Variants in TYR observed in about 807,000 individuals in gnomAD.
The protein encoded by TYR is tyrosinase, also known as LB24-AB.
Under a neutral mutation model 51.5 loss-of-function variants are expected in TYR, and 58 were observed. The observed-to-expected ratio is 1.13, with a 90% CI of 0.91 to 1.40. The LOEUF (loss-of-function observed/expected upper bound fraction) is 1.40, where lower values mean the gene tolerates loss of function less well. Among genes scored for constraint, TYR ranks in the 40% most tolerant of loss-of-function variants. The probability of loss-of-function intolerance (pLI) is 0.00; values close to 1 mark genes in which losing one functional copy is unlikely to be tolerated. For synonymous variants in TYR, 263 were observed against 235.2 expected (o/e 1.12, Z -1.08); for missense variants, 732 against 647.4 (o/e 1.13, Z -1.42).
At chr11:89,245,073 T>C (rs1371004548) in intron 3 of TYR, among the ~76,000 whole-genome samples, 4 of 152,228 alleles carry the variant, frequency 2.6e-5, no homozygotes, top group Non-Finnish European at 5.9e-5. Flanking sequence ...AGCCGTTTGA[T>C]ACTATTGTTT....
rs536833054 is a variant in TYR, at chr11:89,193,037, G to T, written c.1036+1619G>T. ...CAGTTTGGTCTTTTGACATAAGAAGGCAAGACATAATGCCAGGTAATCTCA... is the reference window on the plus strand; with the variant it reads ...CAGTTTGGTCTTTTGACATAAGAAGTCAAGACATAATGCCAGGTAATCTCA... On this transcript the variant is annotated intron_variant, in intron 2 of 4. Coordinates refer to ENST00000263321, the MANE Select transcript of TYR (RefSeq NM_000372.5). 3.9e-5 allele frequency among the ~76,000 whole-genome samples: 6 copies of T among 152,174 alleles called. No individual in the cohort carries two copies. In the South Asian group the frequency reaches 1.0e-3, roughly 26 times the overall value.
chr11:89,223,908 GTT>G (rs66544506), intron 2 of TYR, among the ~76,000 whole-genome samples: 9,376 of 143,106 alleles, frequency 0.066, 358 homozygotes, highest in Non-Finnish European at 0.09. Context: ...TTCTTTAGCT[GTT>G]TTTTTTTTTT....
intron 1 of TYR, among the ~76,000 whole-genome samples, chr11:89,181,752 A>G (rs973245570): frequency 6.6e-6 from 1 of 151,582 alleles, no homozygotes; most frequent in Admixed American, 6.6e-5. Flanking sequence ...CTAAAATGGT[A>G]GGATGATTGT....
intron 1 of TYR, among the ~76,000 whole-genome samples, chr11:89,188,148 G>T (rs1289552973): frequency 6.6e-6 from 1 of 151,042 alleles, no homozygotes; most frequent in Non-Finnish European, 1.5e-5. Context: ...CCACTAGAAG[G>T]TAAGTTACAT....
intron 2 of TYR, chr11:89,192,081 C>A (rs751676357): frequency 1.1e-4 from 46 of 408,372 alleles, no homozygotes; most frequent in African/African-American, 9.3e-4. Flanking sequence ...TAGGTAAAGC[C>A]TCCCTCTCAT....
intron 3 of TYR, among the ~76,000 whole-genome samples, chr11:89,276,341 C>T (rs190787568): frequency 5.1e-4 from 77 of 151,852 alleles, no homozygotes; most frequent in African/African-American, 1.8e-3. Context: ...TCGCTTAAAA[C>T]TTAGTCAGAA....
intron 2 of TYR, among the ~76,000 whole-genome samples, chr11:89,221,751 A>G (rs1943914345): frequency 6.6e-6 from 1 of 152,192 alleles, no homozygotes; most frequent in African/African-American, 2.4e-5. Flanking sequence ...TACATTTTCT[A>G]TCTTCTTTTT....
At chr11:89,230,105 A>C (rs1944027501) in intron 3 of TYR, among the ~76,000 whole-genome samples, 1 of 152,128 alleles carries the variant, frequency 6.6e-6, no homozygotes, top group African/African-American at 2.4e-5. Context: ...CAAAAAGAAC[A>C]AAGCATCATA....
intron 2 of TYR, among the ~76,000 whole-genome samples, chr11:89,192,522 G>A (rs1943459824): frequency 6.6e-6 from 1 of 151,112 alleles, no homozygotes; most frequent in South Asian, 2.1e-4. Flanking sequence ...TTTTGTCATT[G>A]TTTTACACCC....
At chr11:89,229,265 A>G (rs1315131547) in intron 3 of TYR, among the ~76,000 whole-genome samples, 1 of 151,920 alleles carries the variant, frequency 6.6e-6, no homozygotes, top group African/African-American at 2.4e-5. Context: ...AGTTTTATTC[A>G]GAAATCAGTG....
At chr11:89,252,006 A>G (rs982171335) in intron 3 of TYR, among the ~76,000 whole-genome samples, 7 of 151,820 alleles carry the variant, frequency 4.6e-5, no homozygotes, top group East Asian at 1.9e-4. Context: ...TGCCATCCCC[A>G]TATATTTCCT....
intron 2 of TYR, among the ~76,000 whole-genome samples, chr11:89,222,961 C>T (rs1295676394): frequency 1.3e-5 from 2 of 152,134 alleles, no homozygotes; most frequent in Non-Finnish European, 2.9e-5. Context: ...GAGATAATAA[C>T]ACATTCTGCA....
intron 2 of TYR, among the ~76,000 whole-genome samples, chr11:89,193,201 T>C (rs1475196284): frequency 6.6e-6 from 1 of 152,168 alleles, no homozygotes; most frequent in Non-Finnish European, 1.5e-5. Context: ...AAGCTACATC[T>C]TTAAGGAAAC....
chr11:89,288,549 A>C (rs1297810009), intron 4 of TYR, among the ~76,000 whole-genome samples: 1 of 152,066 alleles, frequency 6.6e-6, no homozygotes, highest in Non-Finnish European at 1.5e-5. Flanking sequence ...TTTCCAATTA[A>C]ATTTAAAGAA....
At chr11:89,191,975 G>A (rs759696616) in intron 2 of TYR, 16 of 438,210 alleles carry the variant, frequency 3.7e-5, no homozygotes, top group East Asian at 7.3e-5. Context: ...ATTTTCCTAC[G>A]TTTTAGTGTT....
At chr11:89,256,235 G>C (rs1944389630) in intron 3 of TYR, among the ~76,000 whole-genome samples, 1 of 151,672 alleles carries the variant, frequency 6.6e-6, no homozygotes, top group Admixed American at 6.6e-5. Context: ...GAGCAACTTG[G>C]ATGTGTGAAC....
intron 3 of TYR, among the ~76,000 whole-genome samples, chr11:89,268,809 G>T (rs541253720): frequency 4.0e-5 from 6 of 151,698 alleles, no homozygotes; most frequent in Non-Finnish European, 8.8e-5. Flanking sequence ...TGTTGATCCC[G>T]CACTGCTCTA....
intron 2 of TYR, among the ~76,000 whole-genome samples, chr11:89,203,187 G>T (rs1162408412): frequency 6.6e-6 from 1 of 152,148 alleles, no homozygotes; most frequent in East Asian, 1.9e-4. Context: ...TACACCATGA[G>T]ACAGGTTTTC....
At chr11:89,294,758 C>T (rs1005251542) in intron 4 of TYR, among the ~76,000 whole-genome samples, 3 of 152,170 alleles carry the variant, frequency 2.0e-5, no homozygotes, top group African/African-American at 7.2e-5. Flanking sequence ...AATTAAAAGA[C>T]TGGATTAGTG....
Sources: gnomAD v4.1 joint callset for allele counts (sites outside exome capture counted in the v4.1 genomes callset) on GRCh38, gnomAD v4.1.1 for gene constraint, MANE v1.5 for transcripts, NCBI Gene and HGNC (gene_info 2026-07-23, HGNC 2026-07-21) for gene names.